NTRK1: variants seen among roughly 807,000 people sequenced by gnomAD.
NTRK1 encodes the protein high affinity nerve growth factor receptor.
Under a neutral mutation model 86.8 loss-of-function variants are expected in NTRK1, and 62 were observed. That is an observed-to-expected ratio of 0.71 (90% CI 0.58 to 0.88). The LOEUF (loss-of-function observed/expected upper bound fraction) is 0.88. Ranked by LOEUF, NTRK1 falls within the 40% of genes least tolerant of loss-of-function variation. The pLI is 0.00. For missense variants in NTRK1, 967 were observed against 1,078.4 expected (o/e 0.90, Z 1.45); for synonymous variants, 469 against 456.6 (o/e 1.03, Z -0.35).
At chr1:156,834,809 G>A (rs1001020961) in intron 1 of NTRK1, among the ~76,000 whole-genome samples, 6 of 99,724 alleles carry the variant, frequency 6.0e-5, no homozygotes, top group South Asian at 4.1e-4. Flanking sequence ...GGAATGGGCC[G>A]GGGAGACGGG....
chr1:156,848,725 G>C (rs1655094345), intron 2 of NTRK1, among the ~76,000 whole-genome samples: 2 of 152,206 alleles, frequency 1.3e-5, no homozygotes. Context: ...TTGGTGAGGG[G>C]AAACCGAGGC....
Position 156,873,857 on chromosome 1 carries a change from TAC to T in NTRK1, c.1078_1079del (p.Thr360AlafsTer41). On this transcript the variant is annotated frameshift_variant, in exon 8 of 17. Transcript: ENST00000524377. LOFTEE classifies it high-confidence loss of function. ...NQPTHVNNGN[Y>X]TLLAANPFGQ... ...GCCCACCCACGTCAACAACGGCAAC[TAC>T]ACGCTGCTGGCTGCCAACCCCTTCG... The T allele has an allele frequency of 6.2e-7, 1 of 1,606,566 alleles. No homozygotes were observed. The highest frequency in any genetic ancestry group is 8.5e-7 in the Non-Finnish European group (1 of 1,176,358).
intron 2 of NTRK1, chr1:156,844,731 T>A (rs1654927839): frequency 6.2e-7 from 1 of 1,613,988 alleles, no homozygotes; most frequent in Non-Finnish European, 8.5e-7. Flanking sequence ...GGTACTTGAT[T>A]TCGTACTTGA....
intron 2 of NTRK1, chr1:156,846,602 C>T (rs370037743): frequency 2.7e-5 from 44 of 1,614,070 alleles, no homozygotes; most frequent in South Asian, 8.8e-5. Context: ...CGTGATGGCC[C>T]GCACAAACAC....
exon 2 of NTRK1, chr1:156,842,114 C>T: frequency 6.2e-7 from 1 of 1,614,012 alleles, no homozygotes; most frequent in Non-Finnish European, 8.5e-7. Context: ...CTCTGTACCC[C>T]CGATCTTGAC....
intron 2 of NTRK1, among the ~76,000 whole-genome samples, chr1:156,850,735 T>C (rs555502807): frequency 6.6e-6 from 1 of 151,416 alleles, no homozygotes; most frequent in South Asian, 2.1e-4. Context: ...TTTTGTATTT[T>C]TAGTAAAGAT....
At chr1:156,822,153 T>C (rs1274223546) in intron 1 of NTRK1, among the ~76,000 whole-genome samples, 7 of 152,188 alleles carry the variant, frequency 4.6e-5, no homozygotes, top group Non-Finnish European at 1.0e-4. Flanking sequence ...ACAATTTGTG[T>C]CCAACACGGT....
intron 1 of NTRK1, among the ~76,000 whole-genome samples, chr1:156,863,372 G>A (rs190740873): frequency 3.0e-4 from 46 of 151,480 alleles, no homozygotes; most frequent in African/African-American, 1.0e-3. Flanking sequence ...TTTTCTGCCC[G>A]TCTGCCCCCA....
chr1:156,851,900 C>G (rs199625191), intron 2 of NTRK1: 1 of 1,585,038 alleles, frequency 6.3e-7, no homozygotes, highest in South Asian at 1.1e-5. Context: ...GCTGCTATTA[C>G]GGGTGAAGCC....
chr1:156,857,352 C>A (rs984090150), upstream of NTRK1, among the ~76,000 whole-genome samples: 10 of 152,226 alleles, frequency 6.6e-5, no homozygotes, highest in African/African-American at 2.2e-4. Context: ...TCCCATCATG[C>A]CCCTGCCTCT....
chr1:156,830,674 C>A (rs1441549476), intron 1 of NTRK1, among the ~76,000 whole-genome samples: 1 of 151,424 alleles, frequency 6.6e-6, no homozygotes, highest in Non-Finnish European at 1.5e-5. Context: ...CTTGCCTCAA[C>A]CTCCTGAGTA....
intron 1 of NTRK1, chr1:156,816,549 T>C: frequency 2.4e-6 from 2 of 823,534 alleles, no homozygotes; most frequent in Admixed American, 2.8e-5. Context: ...GCCAATCAGC[T>C]TTGCCAGCTC....
At chr1:156,830,510 C>T (rs1039205142) in intron 1 of NTRK1, among the ~76,000 whole-genome samples, 7 of 150,096 alleles carry the variant, frequency 4.7e-5, no homozygotes, top group Middle Eastern at 3.4e-3. Flanking sequence ...GTCTGGTAAA[C>T]GGGGGAAGAA....
chr1:156,846,509 A>G (rs1298071262), intron 2 of NTRK1: 18 of 1,606,842 alleles, frequency 1.1e-5, no homozygotes, highest in Non-Finnish European at 1.5e-5. Context: ...TGCACCCTCC[A>G]AATGCCTACC....
intron 1 of NTRK1, among the ~76,000 whole-genome samples, chr1:156,827,030 T>C (rs1571642669): frequency 6.6e-6 from 1 of 152,030 alleles, no homozygotes; most frequent in East Asian, 1.9e-4. Flanking sequence ...GCTCCTTGTT[T>C]TGGAGCTCAC....
chr1:156,823,613 T>A (rs371856467), intron 1 of NTRK1, among the ~76,000 whole-genome samples: 7 of 152,220 alleles, frequency 4.6e-5, no homozygotes, highest in African/African-American at 1.7e-4. Context: ...AGGGGTCTGA[T>A]GTCATCAACC....
chr1:156,824,975 C>T (rs751734549), intron 1 of NTRK1, among the ~76,000 whole-genome samples: 11 of 152,284 alleles, frequency 7.2e-5, no homozygotes, highest in South Asian at 2.1e-4. Context: ...CTGCAACCTC[C>T]GCCTCCCAGG....
In NTRK1 at chr1:156,876,589, T is replaced by G; in HGVS notation, c.1805+17T>G. 6.2e-7 allele frequency: 1 copy of G among 1,605,788 alleles called. No homozygotes were observed. The highest frequency in any genetic ancestry group is 1.3e-5 in the African/African-American group (1 of 74,884). Reference sequence around the variant, plus strand: ...CTTCCTCCGGTACCAGCACCTGGCCTCAGCGCTGGCCCCGGCCCCTGGCTC... The same window carrying G: ...CTTCCTCCGGTACCAGCACCTGGCCGCAGCGCTGGCCCCGGCCCCTGGCTC... On this transcript the variant is annotated intron_variant, in intron 14 of 16. Transcript: ENST00000524377.
intron 1 of NTRK1, among the ~76,000 whole-genome samples, chr1:156,828,930 A>G (rs572443586): frequency 1.3e-5 from 2 of 152,306 alleles, no homozygotes; most frequent in African/African-American, 4.8e-5. Context: ...TCTATTTATT[A>G]TACCCTTAGA....
Sources: gnomAD v4.1 joint callset for allele counts (sites outside exome capture counted in the v4.1 genomes callset) on GRCh38, gnomAD v4.1.1 for gene constraint, MANE v1.5 for transcripts, NCBI Gene and HGNC (gene_info 2026-07-23, HGNC 2026-07-21) for gene names.